Variants in EXT2 observed in about 807,000 individuals in gnomAD.
EXT2 encodes the protein exostosin glycosyltransferase 2.
In EXT2, 53 loss-of-function variants were observed where a neutral mutation model predicts 81.6. The ratio of observed to expected loss-of-function variants is 0.65; its 90% CI spans 0.52 to 0.82. EXT2 has a LOEUF of 0.82. Among genes scored for constraint, EXT2 ranks in the 40% least tolerant of loss-of-function variants. The pLI, the probability that EXT2 is intolerant of heterozygous loss-of-function variation, is 0.00. For missense variants in EXT2, 774 were observed against 910.2 expected (o/e 0.85, Z 1.93); for synonymous variants, 320 against 340.0 (o/e 0.94, Z 0.65).
intron 5 of EXT2, among the ~76,000 whole-genome samples, chr11:44,126,598 G>T (rs1245351895): frequency 6.6e-6 from 1 of 152,210 alleles, no homozygotes; most frequent in African/African-American, 2.4e-5. Context: ...TGGCATTGAA[G>T]CAATACTGAA....
At chr11:44,221,372 G>A (rs1213417785) in intron 10 of EXT2, among the ~76,000 whole-genome samples, 1 of 152,148 alleles carries the variant, frequency 6.6e-6, no homozygotes, top group Non-Finnish European at 1.5e-5. Context: ...CTCATAATAT[G>A]AGATCGTTAT....
chr11:44,187,196 C>T (rs1036226198), intron 8 of EXT2, among the ~76,000 whole-genome samples: 25 of 151,896 alleles, frequency 1.6e-4, no homozygotes, highest in African/African-American at 5.1e-4. Flanking sequence ...CACCACATGC[C>T]GTGCTACTTT....
chr11:44,136,829 T>G (rs1162048189), intron 7 of EXT2, among the ~76,000 whole-genome samples: 2 of 152,212 alleles, frequency 1.3e-5, no homozygotes, highest in Non-Finnish European at 2.9e-5. Context: ...AGTTACTGGC[T>G]GCTTCCCTTA....
At chr11:44,129,793 T>C (rs1392798264) in intron 6 of EXT2, among the ~76,000 whole-genome samples, 1 of 151,930 alleles carries the variant, frequency 6.6e-6, no homozygotes, top group Non-Finnish European at 1.5e-5. Context: ...AGCACACTAG[T>C]GGAGTGGAGG....
intron 9 of EXT2, among the ~76,000 whole-genome samples, chr11:44,202,533 T>A (rs981984851): frequency 1.3e-5 from 2 of 152,198 alleles, no homozygotes; most frequent in African/African-American, 4.8e-5. Context: ...TCAAAGTGGA[T>A]ATGGAAGGCC....
chr11:44,210,497 A>G (rs1955634822), intron 10 of EXT2, among the ~76,000 whole-genome samples: 1 of 152,134 alleles, frequency 6.6e-6, no homozygotes, highest in Admixed American at 6.5e-5. Context: ...GTAAGTGGGG[A>G]GGGTCAGGCT....
At chr11:44,131,369 G>A (rs1208472238) in intron 7 of EXT2, among the ~76,000 whole-genome samples, 3 of 152,192 alleles carry the variant, frequency 2.0e-5, no homozygotes, top group African/African-American at 7.2e-5. Flanking sequence ...CACAGATTAA[G>A]TCTGTAGGTT....
chr11:44,184,509 T>A (rs1247298475), intron 8 of EXT2, among the ~76,000 whole-genome samples: 1 of 152,102 alleles, frequency 6.6e-6, no homozygotes, highest in African/African-American at 2.4e-5. Flanking sequence ...CCCAGCACTT[T>A]GGGAGGCCGA....
chr11:44,108,453 C>G (rs1046970058), intron 2 of EXT2, among the ~76,000 whole-genome samples: 3 of 152,356 alleles, frequency 2.0e-5, no homozygotes, highest in South Asian at 2.1e-4. Context: ...GAAGAGTAGT[C>G]TGCCATCTCC....
chr11:44,106,458 G>A (rs1043560599), intron 1 of EXT2, among the ~76,000 whole-genome samples: 1 of 151,560 alleles, frequency 6.6e-6, no homozygotes, highest in Non-Finnish European at 1.5e-5. Flanking sequence ...TTTTCTTATT[G>A]ATATCCTTTT....
At chr11:44,134,865 T>G (rs1489184251) in intron 7 of EXT2, among the ~76,000 whole-genome samples, 2 of 152,212 alleles carry the variant, frequency 1.3e-5, no homozygotes, top group Non-Finnish European at 2.9e-5. Context: ...TTGTACTCAA[T>G]TGACTAGAAG....
chr11:44,113,087 A>G (rs1954169378), intron 3 of EXT2, among the ~76,000 whole-genome samples: 1 of 152,234 alleles, frequency 6.6e-6, no homozygotes, highest in Non-Finnish European at 1.5e-5. Context: ...TAGTTATTAC[A>G]TTTTACAGAG....
intron 10 of EXT2, among the ~76,000 whole-genome samples, chr11:44,219,351 TAA>T (rs562729890): frequency 1.4e-5 from 2 of 143,846 alleles, no homozygotes; most frequent in African/African-American, 2.5e-5. Flanking sequence ...AAAATTAAAT[TAA>T]AAAAAAAAAA....
rs1276304902 is a variant in EXT2 at position 44,096,159 on chromosome 11, C to T, written c.-31+307C>T. The T allele has an allele frequency of 2.8e-5, 35 of 1,239,714 alleles. No homozygotes were observed. The South Asian group carries it at 4.0e-4, about 14-fold the overall frequency. The allele number at this position is 1,239,714 out of a possible 1,614,324, so 76.8% of individuals were successfully genotyped here. On this transcript the variant is annotated intron_variant, in intron 1 of 13. Transcript: ENST00000533608. ...TCGCCCCCAGTCCGCTCCTTCCTTT[C>T]CTCCTGCGACCCGCCCTCCGCCCTC...
At chr11:44,236,153 G>T (rs1305972543) in intron 12 of EXT2, 140 bp from the exon 13 acceptor site, 4 of 773,882 alleles carry the variant, frequency 5.2e-6, no homozygotes, top group Non-Finnish European at 9.0e-6. Context: ...ATGGAGGAAT[G>T]GCGAGGTGTG....
intron 7 of EXT2, among the ~76,000 whole-genome samples, chr11:44,158,995 TG>T (rs965336202): frequency 4.6e-5 from 7 of 152,032 alleles, no homozygotes; most frequent in African/African-American, 1.7e-4. Context: ...CCCCTACCCC[TG>T]GCATCTATAG....
intron 7 of EXT2, among the ~76,000 whole-genome samples, chr11:44,137,815 A>G (rs1046967330): frequency 6.6e-6 from 1 of 152,198 alleles, no homozygotes; most frequent in Admixed American, 6.5e-5. Flanking sequence ...ATAAATATGG[A>G]TTAAGGACTT....
intron 1 of EXT2, chr11:44,103,665 G>A (rs996697880): frequency 8.9e-6 from 4 of 451,136 alleles, no homozygotes; most frequent in Non-Finnish European, 1.8e-5. Flanking sequence ...TTCTTTATAG[G>A]AAGATTTTTA....
At chr11:44,200,289 A>AC (rs1319310089) in intron 9 of EXT2, among the ~76,000 whole-genome samples, 2 of 148,144 alleles carry the variant, frequency 1.4e-5, no homozygotes, top group African/African-American at 2.5e-5. Flanking sequence ...GCAGAAATCT[A>AC]CCCCCCTTCC....
Sources: gnomAD v4.1 joint callset for allele counts (sites outside exome capture counted in the v4.1 genomes callset) on GRCh38, gnomAD v4.1.1 for gene constraint, MANE v1.5 for transcripts, NCBI Gene and HGNC (gene_info 2026-07-23, HGNC 2026-07-21) for gene names.